Variants in BOC observed in about 807,000 individuals in gnomAD.
BOC encodes BOC cell adhesion associated, oncogene regulated.
In BOC, 76 loss-of-function variants were observed where a neutral mutation model predicts 112.0. The ratio of observed to expected loss-of-function variants is 0.68; its 90% CI spans 0.56 to 0.82. The LOEUF is 0.82. BOC is among the 40% of genes least tolerant of loss of function. BOC has a pLI of 0.00. For missense variants in BOC, 1,309 were observed against 1,511.7 expected (o/e 0.87, Z 2.22); for synonymous variants, 580 against 599.8 (o/e 0.97, Z 0.48).
chr3:113,215,835 C>T (rs1447429005), intron 1 of BOC, among the ~76,000 whole-genome samples: 1 of 152,194 alleles, frequency 6.6e-6, no homozygotes. Context: ...GTATTATCAC[C>T]CCAAATCCCT....
At chr3:113,261,542 G>T (rs1358051927) in intron 4 of BOC, among the ~76,000 whole-genome samples, 1 of 152,110 alleles carries the variant, frequency 6.6e-6, no homozygotes, top group East Asian at 1.9e-4. Context: ...TGTTCATCTG[G>T]CTGCCAGACC....
intron 2 of BOC, among the ~76,000 whole-genome samples, chr3:113,233,288 C>T (rs150768547): frequency 2.0e-5 from 3 of 151,608 alleles, no homozygotes; most frequent in Non-Finnish European, 2.9e-5. Context: ...TCATTCAGTC[C>T]GGGTCACAGC....
At chr3:113,230,481 T>C (rs1269448127) in intron 2 of BOC, among the ~76,000 whole-genome samples, 1 of 152,248 alleles carries the variant, frequency 6.6e-6, no homozygotes, top group African/African-American at 2.4e-5. Flanking sequence ...GCAGACAGTC[T>C]AGGCTTTGAA....
chr3:113,255,673 C>A (rs1372580223), intron 4 of BOC, among the ~76,000 whole-genome samples: 1 of 152,062 alleles, frequency 6.6e-6, no homozygotes, highest in East Asian at 1.9e-4. Flanking sequence ...CTCCTTAAGG[C>A]CTCCTAGCGC....
At chr3:113,237,688 A>G (rs1943750472) in intron 2 of BOC, among the ~76,000 whole-genome samples, 1 of 152,182 alleles carries the variant, frequency 6.6e-6, no homozygotes, top group Non-Finnish European at 1.5e-5. Context: ...GATTGCCCAC[A>G]CTGACGTGGG....
intron 4 of BOC, among the ~76,000 whole-genome samples, chr3:113,257,281 C>T (rs1946333424): frequency 6.6e-6 from 1 of 152,310 alleles, no homozygotes; most frequent in East Asian, 1.9e-4. Flanking sequence ...CCTCTGGATG[C>T]TTTGGATTTC....
chr3:113,265,691 A>C (rs1314870646), intron 4 of BOC, among the ~76,000 whole-genome samples: 5 of 152,356 alleles, frequency 3.3e-5, no homozygotes, highest in African/African-American at 1.2e-4. Context: ...CTCATTAGCT[A>C]TCTTGGCTGA....
Position 113,285,546 on chromosome 3 carries a change from G to A in BOC, c.3141G>A (p.Trp1047Ter), listed in dbSNP as rs748436195. Residue 1047 changes from tryptophan (W) to a stop codon, truncating the protein, a stop_gained, in exon 19 of 20, where the codon TGG becomes TGA. Transcript: ENST00000682979. LOFTEE classifies it high-confidence loss of function. Reference sequence around the variant, plus strand: ...ACAGTCCTGTCCTGGAAGCAGTGTGGGACCCTCCATTTCACTCAGGTTGGT... The same window carrying A: ...ACAGTCCTGTCCTGGAAGCAGTGTGAGACCCTCCATTTCACTCAGGTTGGT... ...APDSPVLEAV[W>*]DPPFHSGPPC... 6.3e-7 allele frequency: 1 copy of A among 1,592,110 alleles called. No individual in the cohort carries two copies. The highest frequency in any genetic ancestry group is 8.6e-7 in the Non-Finnish European group (1 of 1,168,642).
At chr3:113,280,855 G>A (rs1298104585) in intron 14 of BOC, among the ~76,000 whole-genome samples, 176 bp from the exon 15 acceptor site, 1 of 152,100 alleles carries the variant, frequency 6.6e-6, no homozygotes, top group Non-Finnish European at 1.5e-5. Flanking sequence ...TGTGATGATG[G>A]GACAACCTGG....
Position 113,284,497 on chromosome 3 carries a change from G to T in BOC, c.2819G>T (p.Gly940Val). Reference sequence around the variant, plus strand: ...GCTAATGGGATCCACATGAATAGGGGCTGCCCCTCGGCTGCAGTGGGCTAC... The same window carrying T: ...GCTAATGGGATCCACATGAATAGGGTCTGCCCCTCGGCTGCAGTGGGCTAC... Reference protein sequence around the residue: ...ACANGIHMNRGCPSAAVGYPG... With the variant: ...ACANGIHMNRVCPSAAVGYPG... Residue 940 changes from glycine (G) to valine (V), a missense_variant, in exon 17 of 20, where the codon GGC becomes GTC. By Grantham distance (109) the Gly-to-Val change is moderately radical. Transcript: ENST00000682979. The T allele has an allele frequency of 2.5e-6, 4 of 1,614,180 alleles. No individual in the cohort carries two copies. The highest frequency in any genetic ancestry group is 3.4e-6 in the Non-Finnish European group (4 of 1,180,000).
intron 14 of BOC, 124 bp from the exon 15 acceptor site, chr3:113,280,907 C>G: frequency 7.5e-7 from 1 of 1,328,970 alleles, no homozygotes. Context: ...CTCCACACGC[C>G]GCCCCTGTGC....
intron 4 of BOC, among the ~76,000 whole-genome samples, chr3:113,256,896 G>A (rs1286550745): frequency 6.6e-6 from 1 of 152,154 alleles, no homozygotes; most frequent in Admixed American, 6.5e-5. Context: ...CAGTCTTAGG[G>A]TAAAAGCAGG....
Position 113,250,739 on chromosome 3 carries a change from T to G in BOC, c.282T>G (p.Thr94=), listed in dbSNP as rs373123240. Residue 94 remains threonine, a synonymous_variant, in exon 4 of 20, where the codon ACT becomes ACG. Coordinates refer to ENST00000682979, the MANE Select transcript of BOC (RefSeq NM_001378074.1). ...VLITHGTLVI[T]ALNNHTVGRY... is the part of the protein sequence containing the mutation. ...TCACCCACGGGACCCTCGTCATCAC[T>G]GCCCTTAACAACCACACTGTGGGAC... 11 of 1,614,040 alleles carry G rather than the reference T, an allele frequency of 6.8e-6. No homozygotes were observed. The African/African-American group carries it at 1.5e-4, about 22-fold the overall frequency.
At chr3:113,217,432 C>T (rs1939634484) in intron 2 of BOC, among the ~76,000 whole-genome samples, 1 of 152,104 alleles carries the variant, frequency 6.6e-6, no homozygotes, top group Non-Finnish European at 1.5e-5. Context: ...GAGGCTGAGG[C>T]AGGAGGATCC....
intron 4 of BOC, among the ~76,000 whole-genome samples, chr3:113,254,201 A>G (rs1408746158): frequency 1.3e-5 from 2 of 152,244 alleles, no homozygotes; most frequent in Admixed American, 6.5e-5. Context: ...GGGCTTGTGC[A>G]GAAGCCGAGC....
intron 1 of BOC, among the ~76,000 whole-genome samples, chr3:113,215,645 A>G (rs898281378): frequency 1.3e-5 from 2 of 152,148 alleles, no homozygotes; most frequent in African/African-American, 4.8e-5. Context: ...CCCATTCTCC[A>G]TGAGTCCTAT....
At chr3:113,272,875 A>G (rs1194217781) in intron 7 of BOC, among the ~76,000 whole-genome samples, 172 bp downstream of exon 7, 1 of 151,992 alleles carries the variant, frequency 6.6e-6, no homozygotes, top group African/African-American at 2.4e-5. Flanking sequence ...GAGTAAGAGC[A>G]CGCAGTCCTG....
At chr3:113,268,907 C>T (rs776408432) in intron 5 of BOC, among the ~76,000 whole-genome samples, 1 of 152,224 alleles carries the variant, frequency 6.6e-6, no homozygotes, top group Non-Finnish European at 1.5e-5. Flanking sequence ...TGTGTTCTTT[C>T]TTGATATTTG....
At position 113,287,332 on chromosome 3, in the gene BOC, C is replaced by A. The variant is rs753130819; in HGVS notation, c.*470C>A. 6 of 293,590 alleles carry A rather than the reference C, an allele frequency of 2.0e-5. No homozygotes were observed. Among genetic ancestry groups the A allele is most frequent in the South Asian group, 6.2e-5 (2 of 32,094 alleles). The allele number at this position is 293,590 out of a possible 1,614,324, so 18.2% of individuals were successfully genotyped here. On this transcript the variant is annotated 3_prime_UTR_variant, in exon 20 of 20. Coordinates refer to ENST00000682979, the MANE Select transcript of BOC (RefSeq NM_001378074.1). Reference sequence around the variant, plus strand: ...TTCCTAAGATGCCCATGAGAACAGACCAAGATGTGTACAGCACTATGAGCA... The same window carrying A: ...TTCCTAAGATGCCCATGAGAACAGAACAAGATGTGTACAGCACTATGAGCA...
Sources: gnomAD v4.1 joint callset for allele counts (sites outside exome capture counted in the v4.1 genomes callset) on GRCh38, gnomAD v4.1.1 for gene constraint, MANE v1.5 for transcripts, NCBI Gene and HGNC (gene_info 2026-07-23, HGNC 2026-07-21) for gene names.